ADGRG7: variants seen among roughly 807,000 people sequenced by gnomAD.
The protein encoded by ADGRG7 is adhesion G protein-coupled receptor G7.
Under a neutral mutation model 88.6 loss-of-function variants are expected in ADGRG7, and 82 were observed. The observed-to-expected ratio is 0.93, with a 90% CI of 0.77 to 1.11. ADGRG7 has a LOEUF of 1.11. ADGRG7 is among the 50% of genes most tolerant of loss of function. The pLI, the probability that ADGRG7 is intolerant of heterozygous loss-of-function variation, is 0.00. For synonymous variants in ADGRG7, 381 were observed against 345.2 expected, an observed-to-expected ratio of 1.10 and a Z score of -1.15; for missense variants, 945 against 953.4, an observed-to-expected ratio of 0.99 and a Z score of 0.12.
At chr3:100,643,454 C>T (rs1361743344) in intron 7 of ADGRG7, 49 bp downstream of exon 7, 1 of 1,610,310 alleles carries the variant, frequency 6.2e-7, no homozygotes, top group African/African-American at 1.3e-5. Context: ...CATTCTGCTA[C>T]TGATGATGAA....
At chr3:100,666,695 G>A (rs189731097) in intron 14 of ADGRG7, among the ~76,000 whole-genome samples, 212 of 152,260 alleles carry the variant, frequency 1.4e-3, no homozygotes, top group African/African-American at 4.6e-3. Flanking sequence ...CTTTACGGGT[G>A]TCAGGCTGGG....
intron 8 of ADGRG7, among the ~76,000 whole-genome samples, chr3:100,644,750 C>A (rs1474976247): frequency 6.6e-6 from 1 of 151,948 alleles, no homozygotes; most frequent in African/African-American, 2.4e-5. Flanking sequence ...AGCCTGGTCT[C>A]AAACTCCTGG....
At chr3:100,635,998 A>G (rs1406768790) in intron 5 of ADGRG7, among the ~76,000 whole-genome samples, 172 bp downstream of exon 5, 1 of 152,206 alleles carries the variant, frequency 6.6e-6, no homozygotes, top group Non-Finnish European at 1.5e-5. Flanking sequence ...TCAAAGATTA[A>G]AAAAAGGGCC....
intron 1 of ADGRG7, among the ~76,000 whole-genome samples, chr3:100,619,969 T>C (rs2149012842): frequency 6.6e-6 from 1 of 152,342 alleles, no homozygotes; most frequent in East Asian, 1.9e-4. Context: ...AGCCAAATTC[T>C]ACCAGAGGTA....
intron 15 of ADGRG7, among the ~76,000 whole-genome samples, chr3:100,692,388 A>G (rs1034166343): frequency 1.3e-5 from 2 of 152,204 alleles, no homozygotes; most frequent in East Asian, 1.9e-4. Context: ...GACATTGCCA[A>G]TTGATCCATG....
intron 14 of ADGRG7, chr3:100,665,529 TGGG>T (rs2094950669): frequency 3.4e-5 from 15 of 445,746 alleles, no homozygotes; most frequent in South Asian, 2.5e-4. Context: ...CTTTTTCTAG[TGGG>T]ACTATATCTT....
chr3:100,629,754 C>G (rs1224705495), intron 2 of ADGRG7, 43 bp downstream of exon 2: 18 of 1,287,946 alleles, frequency 1.4e-5, no homozygotes, highest in South Asian at 3.6e-5. Flanking sequence ...GTTTACGTCA[C>G]TCTTGTGTTA....
intron 15 of ADGRG7, among the ~76,000 whole-genome samples, chr3:100,694,056 A>G (rs1324399796): frequency 6.6e-6 from 1 of 152,232 alleles, no homozygotes; most frequent in African/African-American, 2.4e-5. Context: ...TACTTAGTTT[A>G]TCTGAACTTT....
chr3:100,680,439 C>T (rs983245515), intron 15 of ADGRG7, among the ~76,000 whole-genome samples: 2 of 151,970 alleles, frequency 1.3e-5, no homozygotes, highest in Non-Finnish European at 2.9e-5. Context: ...GTGTTTAGTC[C>T]ATTTAGATCT....
intron 15 of ADGRG7, among the ~76,000 whole-genome samples, chr3:100,687,626 T>C (rs966758241): frequency 6.6e-6 from 1 of 152,204 alleles, no homozygotes; most frequent in Non-Finnish European, 1.5e-5. Context: ...CTGCATCTAT[T>C]GAGATAATCA....
intron 15 of ADGRG7, among the ~76,000 whole-genome samples, chr3:100,672,509 C>A (rs1405566070): frequency 6.6e-6 from 1 of 152,156 alleles, no homozygotes; most frequent in East Asian, 1.9e-4. Flanking sequence ...CAAACAGAGA[C>A]AATTTGACTT....
chr3:100,642,520 T>C (rs1418626046), intron 6 of ADGRG7, among the ~76,000 whole-genome samples: 1 of 152,238 alleles, frequency 6.6e-6, no homozygotes, highest in African/African-American at 2.4e-5. Flanking sequence ...AATCCTTTCA[T>C]TTCTGGAAGA....
chr3:100,666,314 A>G (rs1576331884), intron 14 of ADGRG7, among the ~76,000 whole-genome samples: 1 of 152,166 alleles, frequency 6.6e-6, no homozygotes, highest in African/African-American at 2.4e-5. Context: ...CTTAGTATTT[A>G]TTGATCATTC....
chr3:100,641,298 T>C (rs972175544), intron 6 of ADGRG7, among the ~76,000 whole-genome samples: 1 of 151,682 alleles, frequency 6.6e-6, no homozygotes, highest in Non-Finnish European at 1.5e-5. Flanking sequence ...TCTTTCTATA[T>C]AAGGCTTTCT....
rs534370926 is a variant in ADGRG7 at position 100,649,549 on chromosome 3, C to T, written c.1267-146C>T. ...AGCAATAAGGGGTTAATGTATTTCG[C>T]TTTTAAATATATCATGAGCTTTACA... On this transcript the variant is annotated intron_variant, in intron 10 of 15. Coordinates refer to ENST00000273352, the MANE Select transcript of ADGRG7 (RefSeq NM_032787.3). The T allele has an allele frequency of 2.5e-5, 13 of 521,326 alleles. No individual in the cohort carries two copies. The East Asian group carries it at 4.2e-4, about 17-fold the overall frequency. The allele number at this position is 521,326 out of a possible 1,614,324, so 32.3% of individuals were successfully genotyped here.
intron 13 of ADGRG7, among the ~76,000 whole-genome samples, chr3:100,657,255 A>C (rs1276422877): frequency 6.6e-6 from 1 of 152,158 alleles, no homozygotes; most frequent in Admixed American, 6.5e-5. Context: ...CACCCTACAC[A>C]CATGCCATCA....
intron 15 of ADGRG7, among the ~76,000 whole-genome samples, chr3:100,680,904 T>C (rs1042826337): frequency 2.0e-5 from 3 of 152,208 alleles, no homozygotes; most frequent in African/African-American, 7.2e-5. Flanking sequence ...TCTAGTATTC[T>C]TCATCCCTTT....
chr3:100,609,902 G>C lies in ADGRG7; in HGVS notation c.46G>C (p.Val16Leu). 6.2e-7 allele frequency: 1 copy of C among 1,614,016 alleles called. No homozygotes were observed. The highest frequency in any genetic ancestry group is 8.5e-7 in the Non-Finnish European group (1 of 1,179,892). ...AWNLRVLVAV[V>L]CGLLTGIILG... ...GAACCTTAGGGTGCTGGTGGCTGTCGTGTGTGGACTACTGACTGGCATCAT... is the reference window on the plus strand; with the variant it reads ...GAACCTTAGGGTGCTGGTGGCTGTCCTGTGTGGACTACTGACTGGCATCAT... The change falls in exon 1 of 16, where the codon GTG (valine) becomes CTG (leucine). Residue 16 changes from valine to leucine, a missense_variant. Transcript: ENST00000273352.
chr3:100,646,705 C>G lies in ADGRG7; in HGVS notation c.1247C>G (p.Thr416Ser). The change falls in exon 10 of 16, where the codon ACT (threonine) becomes AGT (serine). Residue 416 changes from threonine to serine, a missense_variant. Physicochemically the swap from Thr to Ser is moderately conservative, Grantham distance 58 (BLOSUM62 1). Coordinates refer to ENST00000273352, the MANE Select transcript of ADGRG7 (RefSeq NM_032787.3). ...GFLRCRCNHTTNFAVLMTFKK... is the reference protein window; with the variant it reads ...GFLRCRCNHTSNFAVLMTFKK... Reference sequence around the variant, plus strand: ...CTGCGCTGCCGCTGCAACCATACTACTAATTTTGCTGTATTAATGGTAAGG... The same window carrying G: ...CTGCGCTGCCGCTGCAACCATACTAGTAATTTTGCTGTATTAATGGTAAGG... The G allele has an allele frequency of 1.2e-6, 2 of 1,614,092 alleles. No homozygotes were observed. Among genetic ancestry groups the G allele is most frequent in the Non-Finnish European group, 1.7e-6 (2 of 1,179,982 alleles).
Sources: gnomAD v4.1 joint callset for allele counts (sites outside exome capture counted in the v4.1 genomes callset) on GRCh38, gnomAD v4.1.1 for gene constraint, MANE v1.5 for transcripts, NCBI Gene and HGNC (gene_info 2026-07-23, HGNC 2026-07-21) for gene names.